The following SCNN1B variants were observed in gnomAD, a reference collection of about 807,000 sequenced individuals.
SCNN1B encodes the protein epithelial sodium channel subunit beta.
A neutral mutation model predicts 65.3 loss-of-function variants in SCNN1B; 46 were observed. The observed-to-expected ratio is 0.70, with a 90% CI of 0.56 to 0.90. The LOEUF (loss-of-function observed/expected upper bound fraction) is 0.90, where lower values mean the gene tolerates loss of function less well. Among genes scored for constraint, SCNN1B ranks in the 40% least tolerant of loss-of-function variants. SCNN1B has a pLI of 0.00. For missense variants in SCNN1B, 751 were observed against 830.5 expected, an observed-to-expected ratio of 0.90 and a Z score of 1.18; for synonymous variants, 349 against 330.6, an observed-to-expected ratio of 1.06 and a Z score of -0.60.
At chr16:23,312,998 C>G (rs942345093) in intron 1 of SCNN1B, among the ~76,000 whole-genome samples, 1 of 152,220 alleles carries the variant, frequency 6.6e-6, no homozygotes, top group African/African-American at 2.4e-5. Flanking sequence ...TTCATTCATT[C>G]ATTCAAAAAG....
intron 1 of SCNN1B, among the ~76,000 whole-genome samples, chr16:23,341,744 A>G (rs1170463390): frequency 6.6e-6 from 1 of 152,226 alleles, no homozygotes; most frequent in African/African-American, 2.4e-5. Context: ...CATCATAGCT[A>G]TCAGGAAAAC....
At chr16:23,358,872 A>C (rs1245315976) in intron 4 of SCNN1B, among the ~76,000 whole-genome samples, 2 of 152,194 alleles carry the variant, frequency 1.3e-5, no homozygotes, top group Admixed American at 6.5e-5. Flanking sequence ...GTGCCACTGC[A>C]CTCCCGCCTG....
intron 2 of SCNN1B, among the ~76,000 whole-genome samples, chr16:23,294,759 G>A (rs113594206): frequency 2.0e-5 from 3 of 152,234 alleles, no homozygotes; most frequent in African/African-American, 7.2e-5. Context: ...TTGGGAGGCC[G>A]AGGAGGGTGG....
chr16:23,352,926 A>G lies in SCNN1B; in HGVS notation c.437A>G (p.Asn146Ser). Residue 146 changes from asparagine to serine, a missense_variant, in exon 3 of 13, where the codon AAC (asparagine) becomes AGC (serine). Asn to Ser is a conservative substitution (Grantham distance 46). Coordinates refer to ENST00000343070, the MANE Select transcript of SCNN1B (RefSeq NM_000336.3). ...AGGAACCTGAACTTCTCCATCTGGA[A>G]CCACACACCCCTGGTCCTTATTGAT... The part of the protein sequence containing the change: ...ATRNLNFSIW[N>S]HTPLVLIDER... 6.2e-7 allele frequency: 1 copy of G among 1,614,176 alleles called. No individual in the cohort carries two copies. Among genetic ancestry groups the G allele is most frequent in the African/African-American group, 1.3e-5 (1 of 75,032 alleles).
At chr16:23,360,764 T>TTTTGGTC (rs1962535659) in intron 4 of SCNN1B, among the ~76,000 whole-genome samples, 1 of 150,250 alleles carries the variant, frequency 6.7e-6, no homozygotes, top group South Asian at 2.1e-4. Context: ...CCTGGCTAAT[T>TTTTGGTC]TTTGGTTTTT....
intron 1 of SCNN1B, among the ~76,000 whole-genome samples, chr16:23,320,854 G>A (rs996302859): frequency 7.2e-5 from 11 of 152,164 alleles, no homozygotes; most frequent in South Asian, 2.1e-4. Flanking sequence ...CCTCAGGGAC[G>A]GGGCAGGGCC....
At position 23,352,963 on chromosome 16, in the gene SCNN1B, C is replaced by T; in HGVS notation, c.474C>T (p.Pro158=). 1 of 1,614,178 alleles carries T rather than the reference C, an allele frequency of 6.2e-7. No individual in the cohort carries two copies. Among genetic ancestry groups the T allele is most frequent in the Non-Finnish European group, 8.5e-7 (1 of 1,180,040 alleles). Reference sequence around the variant, plus strand: ...TGGTCCTTATTGATGAACGGAACCCCCACCACCCCATGGTCCTTGATCTCT... The same window carrying T: ...TGGTCCTTATTGATGAACGGAACCCTCACCACCCCATGGTCCTTGATCTCT... ...TPLVLIDERN[P]HHPMVLDLFG... Residue 158 remains proline, a synonymous_variant, in exon 3 of 13, where the codon CCC becomes CCT. Transcript: ENST00000343070.
chr16:23,328,519 A>G (rs1345835267), intron 1 of SCNN1B, among the ~76,000 whole-genome samples: 1 of 152,180 alleles, frequency 6.6e-6, no homozygotes, highest in Non-Finnish European at 1.5e-5. Flanking sequence ...TTTCACTCCA[A>G]TCTTTGGTCT....
chr16:23,371,987 CTGGG>C, intron 7 of SCNN1B, 104 bp downstream of exon 7: 1 of 903,864 alleles, frequency 1.1e-6, no homozygotes, highest in Non-Finnish European at 1.8e-6. Context: ...TCTGGCTCTG[CTGGG>C]CCTTTGTAGG....
At chr16:23,319,813 G>C (rs1017228649) in intron 1 of SCNN1B, among the ~76,000 whole-genome samples, 5 of 152,110 alleles carry the variant, frequency 3.3e-5, no homozygotes, top group African/African-American at 1.2e-4. Flanking sequence ...TGTCGCCCAG[G>C]CTGGAGTGCA....
At chr16:23,325,930 A>AATAAATAG (rs1321796744) in intron 1 of SCNN1B, among the ~76,000 whole-genome samples, 1 of 144,640 alleles carries the variant, frequency 6.9e-6, no homozygotes, top group East Asian at 2.0e-4. Flanking sequence ...AATATAAATA[A>AATAAATAG]AAGCCACACA....
At chr16:23,293,931 G>GA (rs1295438288) in intron 2 of SCNN1B, among the ~76,000 whole-genome samples, 2 of 151,866 alleles carry the variant, frequency 1.3e-5, no homozygotes, top group Non-Finnish European at 2.9e-5. Context: ...CTTAAAAAAA[G>GA]AAAAATGGTT....
At chr16:23,335,260 C>T (rs1287863926) in intron 1 of SCNN1B, among the ~76,000 whole-genome samples, 1 of 152,184 alleles carries the variant, frequency 6.6e-6, no homozygotes, top group Non-Finnish European at 1.5e-5. Flanking sequence ...CCTGTTCCCC[C>T]AGCCACTCAG....
intron 3 of SCNN1B, among the ~76,000 whole-genome samples, chr16:23,354,894 G>T (rs904868848): frequency 1.3e-5 from 2 of 152,162 alleles, no homozygotes; most frequent in African/African-American, 2.4e-5. Context: ...CATGCATAAT[G>T]GTACAAGTAG....
intron 2 of SCNN1B, among the ~76,000 whole-genome samples, chr16:23,284,342 T>C (rs1384132632): frequency 1.3e-5 from 2 of 151,516 alleles, no homozygotes; most frequent in African/African-American, 4.9e-5. Context: ...GAGGAGGAGA[T>C]TGCAGTGAGC....
At chr16:23,357,019 A>G (rs1429549410) in intron 4 of SCNN1B, among the ~76,000 whole-genome samples, 1 of 152,188 alleles carries the variant, frequency 6.6e-6, no homozygotes, top group Admixed American at 6.5e-5. Flanking sequence ...GGTGTGGGGT[A>G]TGCCACACCC....
intron 2 of SCNN1B, among the ~76,000 whole-genome samples, chr16:23,296,615 G>A (rs533000384): frequency 6.6e-6 from 1 of 152,180 alleles, no homozygotes; most frequent in Non-Finnish European, 1.5e-5. Context: ...ACAGAAAGAG[G>A]GATAACAAAA....
chr16:23,305,200 C>A (rs1432808570), intron 1 of SCNN1B, among the ~76,000 whole-genome samples: 2 of 152,120 alleles, frequency 1.3e-5, no homozygotes, highest in Non-Finnish European at 2.9e-5. Flanking sequence ...GGTTAAGACA[C>A]AGAAATGAAG....
intron 1 of SCNN1B, among the ~76,000 whole-genome samples, chr16:23,319,636 A>C (rs538691340): frequency 6.6e-6 from 1 of 152,244 alleles, no homozygotes; most frequent in Non-Finnish European, 1.5e-5. Flanking sequence ...GCCACAACAT[A>C]GACTGTATGG....
Sources: gnomAD v4.1 joint callset for allele counts (sites outside exome capture counted in the v4.1 genomes callset) on GRCh38, gnomAD v4.1.1 for gene constraint, MANE v1.5 for transcripts, NCBI Gene and HGNC (gene_info 2026-07-23, HGNC 2026-07-21) for gene names.